The following SLMAP variants were observed in gnomAD, a reference collection of about 807,000 sequenced individuals.
The protein encoded by SLMAP is sarcolemma associated protein.
In SLMAP, 44 loss-of-function variants were observed where a neutral mutation model predicts 128.8. That is an observed-to-expected ratio of 0.34 (90% CI 0.27 to 0.44). The LOEUF is 0.44. Ranked by LOEUF, SLMAP falls within the 20% of genes least tolerant of loss-of-function variation. SLMAP has a pLI of 1.00. For missense variants in SLMAP, 787 were observed against 985.3 expected (o/e 0.80, Z 2.69); for synonymous variants, 327 against 348.8 (o/e 0.94, Z 0.70).
intron 17 of SLMAP, among the ~76,000 whole-genome samples, chr3:57,906,019 G>C (rs1264977839): frequency 7.4e-6 from 1 of 134,578 alleles, no homozygotes; most frequent in African/African-American, 2.8e-5. Context: ...TAAGATGCAA[G>C]CATCATGATG....
At chr3:57,786,512 C>G (rs1453550033) in intron 2 of SLMAP, among the ~76,000 whole-genome samples, 1 of 151,164 alleles carries the variant, frequency 6.6e-6, no homozygotes, top group Non-Finnish European at 1.5e-5. Context: ...TTCTACTACA[C>G]TCAGCTTCGT....
intron 2 of SLMAP, among the ~76,000 whole-genome samples, chr3:57,763,604 C>G (rs1342771080): frequency 6.6e-6 from 1 of 151,896 alleles, no homozygotes; most frequent in Non-Finnish European, 1.5e-5. Context: ...CCTGTTCTAT[C>G]ATGATTTGTT....
At chr3:57,901,064 A>AC (rs1440106293) in intron 17 of SLMAP, 1 of 151,784 alleles carries the variant, frequency 6.6e-6, no homozygotes, top group Non-Finnish European at 1.5e-5. Context: ...GTGTATCCTG[A>AC]CCCCCAATAC....
intron 6 of SLMAP, among the ~76,000 whole-genome samples, chr3:57,854,026 AT>A (rs2094642012): frequency 1.8e-5 from 2 of 109,016 alleles, no homozygotes; most frequent in Non-Finnish European, 3.6e-5. Flanking sequence ...ATTATATATA[AT>A]ATATAATGTG....
intron 21 of SLMAP, among the ~76,000 whole-genome samples, chr3:57,916,390 G>C (rs941134048): frequency 6.6e-6 from 1 of 152,154 alleles, no homozygotes; most frequent in Non-Finnish European, 1.5e-5. Flanking sequence ...TAGTGGCAGA[G>C]CTAGGGGTCT....
intron 6 of SLMAP, among the ~76,000 whole-genome samples, chr3:57,854,324 C>T (rs147830172): frequency 0.15 from 253 of 1,690 alleles, 3 homozygotes; most frequent in East Asian, 0.47. Context: ...TGGCCGGGCA[C>T]GGGGGCTCTT....
chr3:57,850,692 G>A (rs1311786630), intron 6 of SLMAP, among the ~76,000 whole-genome samples: 1 of 152,174 alleles, frequency 6.6e-6, no homozygotes, highest in African/African-American at 2.4e-5. Flanking sequence ...GGAGTGCAGT[G>A]GTACAATCTC....
chr3:57,892,424 G>A (rs1003422564), intron 15 of SLMAP, among the ~76,000 whole-genome samples: 1 of 152,114 alleles, frequency 6.6e-6, no homozygotes, highest in African/African-American at 2.4e-5. Context: ...AGCTTTGGAG[G>A]TAGAGGTAGA....
At chr3:57,844,793 C>T (rs1306728270) in intron 4 of SLMAP, among the ~76,000 whole-genome samples, 2 of 146,660 alleles carry the variant, frequency 1.4e-5, no homozygotes, top group African/African-American at 5.1e-5. Flanking sequence ...CGGCTCACTG[C>T]AACCTCCGCC....
At chr3:57,884,033 A>G (rs1358129837) in intron 14 of SLMAP, among the ~76,000 whole-genome samples, 1 of 147,770 alleles carries the variant, frequency 6.8e-6, no homozygotes, top group Non-Finnish European at 1.5e-5. Context: ...GCAGGTATCG[A>G]TCCTCCCATC....
chr3:57,853,670 G>A (rs1398469430), intron 6 of SLMAP, among the ~76,000 whole-genome samples: 1 of 151,824 alleles, frequency 6.6e-6, no homozygotes, highest in Non-Finnish European at 1.5e-5. Flanking sequence ...GGCTGGGCAC[G>A]GTGGCTATGC....
chr3:57,914,883 A>G (rs1274640582), intron 21 of SLMAP, among the ~76,000 whole-genome samples: 1 of 146,772 alleles, frequency 6.8e-6, no homozygotes, highest in Non-Finnish European at 1.5e-5. Flanking sequence ...CACTCAACTC[A>G]TAATTTTTTT....
Position 57,841,288 on chromosome 3 carries a change from G to T in SLMAP, c.347-11G>T. On this transcript the variant is annotated splice_polypyrimidine_tract_variant and intron_variant, in intron 3 of 24. Transcript: ENST00000671191. ...ATTATTTCATCCATATTATTTGTTTGTTTCAACCAGTTACCCATGGGTGTA... is the reference window on the plus strand; with the variant it reads ...ATTATTTCATCCATATTATTTGTTTTTTTCAACCAGTTACCCATGGGTGTA... 1 of 1,552,792 alleles carries T rather than the reference G, an allele frequency of 6.4e-7. No individual in the cohort carries two copies. The highest frequency in any genetic ancestry group is 2.3e-5 in the East Asian group (1 of 44,010).
intron 17 of SLMAP, among the ~76,000 whole-genome samples, chr3:57,907,034 T>C (rs1393621823): frequency 6.6e-6 from 1 of 151,926 alleles, no homozygotes; most frequent in Non-Finnish European, 1.5e-5. Flanking sequence ...TGCGGTTTTT[T>C]TTTTTCTTTT....
At chr3:57,847,567 C>T (rs138656916) in intron 5 of SLMAP, among the ~76,000 whole-genome samples, 137 of 152,246 alleles carry the variant, frequency 9.0e-4, no homozygotes, top group African/African-American at 3.3e-3. Flanking sequence ...TAAGTTTCTA[C>T]CTAAATAGTT....
chr3:57,922,980 A>C lies in SLMAP; in HGVS notation c.2402A>C (p.Gln801Pro). 1 of 1,614,038 alleles carries C rather than the reference A, an allele frequency of 6.2e-7. No homozygotes were observed. Among genetic ancestry groups the C allele is most frequent in the Non-Finnish European group, 8.5e-7 (1 of 1,179,962 alleles). ...CAGTCAATCACAGATGAGCTCAAAC[A>C]GTGTAAAAACAACCTGAAGCTGCTC... ...EKQSITDELK[Q>P]CKNNLKLLRE... The change falls in exon 23 of 25, where the codon CAG (glutamine) becomes CCG (proline). Residue 801 changes from glutamine to proline, a missense_variant. By Grantham distance (76) the Gln-to-Pro change is moderately conservative. Around this residue, in one of 2 missense-constraint regions of SLMAP, gnomAD observed 715 missense variants for 843.6 expected, o/e 0.85. Transcript: ENST00000671191.
intron 2 of SLMAP, among the ~76,000 whole-genome samples, chr3:57,796,227 T>C (rs1200972032): frequency 3.3e-5 from 5 of 152,230 alleles, no homozygotes; most frequent in African/African-American, 1.2e-4. Context: ...TTTTTTGTTG[T>C]TGTTAAGATC....
intron 2 of SLMAP, among the ~76,000 whole-genome samples, chr3:57,813,972 T>A (rs2091453174): frequency 6.6e-6 from 1 of 152,060 alleles, no homozygotes; most frequent in Admixed American, 6.5e-5. Context: ...TTTTTTTTTT[T>A]AATGGAAATT....
intron 2 of SLMAP, among the ~76,000 whole-genome samples, chr3:57,806,954 A>G (rs560243613): frequency 6.6e-6 from 1 of 152,318 alleles, no homozygotes; most frequent in East Asian, 1.9e-4. Context: ...GTCTTCCACA[A>G]TGGTTGAACT....
Sources: gnomAD v4.1 joint callset for allele counts (sites outside exome capture counted in the v4.1 genomes callset) on GRCh38, gnomAD v4.1.1 for gene constraint, gnomAD v4.1.1 regional missense constraint, MANE v1.5 for transcripts, NCBI Gene and HGNC (gene_info 2026-07-23, HGNC 2026-07-21) for gene names.